DCC: variants seen among roughly 807,000 people sequenced by gnomAD.
DCC encodes DCC netrin 1 receptor.
DCC carries 58 observed loss-of-function variants against 172.5 expected under a neutral mutation model. That is an observed-to-expected ratio of 0.34 (90% CI 0.27 to 0.42). DCC has a LOEUF of 0.42. Ranked by LOEUF, DCC falls within the 10% of genes least tolerant of loss-of-function variation. DCC has a pLI of 1.00. For synonymous variants in DCC, 709 were observed against 644.5 expected, an observed-to-expected ratio of 1.10 and a Z score of -1.52; for missense variants, 1,740 against 1,791.0, an observed-to-expected ratio of 0.97 and a Z score of 0.51.
At chr18:52,612,078 T>C (rs1188090827) in intron 1 of DCC, among the ~76,000 whole-genome samples, 1 of 152,196 alleles carries the variant, frequency 6.6e-6, no homozygotes, top group Non-Finnish European at 1.5e-5. Context: ...ACTCTCCTGT[T>C]GATATGCTTA....
In DCC at chr18:53,141,808, A is replaced by G. The variant is rs1251915712; in HGVS notation, c.1262-15548A>G. The stretch of plus-strand genomic sequence containing the variant: ...AAAAAAATGAAACTTCCCACCCGCA[A>G]TTTTGAATTGTATTGTCCTGGTTAT... On this transcript the variant is annotated intron_variant, in intron 7 of 28. Coordinates refer to ENST00000442544, the MANE Select transcript of DCC (RefSeq NM_005215.4). Among the ~76,000 whole-genome samples the G allele has an allele frequency of 2.6e-5, 4 of 152,008 alleles. No individual in the cohort carries two copies. In the East Asian group the frequency reaches 5.8e-4, roughly 22 times the overall value.
chr18:52,520,013 GAGAAAAC>G (rs1299852880), intron 1 of DCC, among the ~76,000 whole-genome samples: 3 of 152,150 alleles, frequency 2.0e-5, no homozygotes, highest in African/African-American at 7.2e-5. Flanking sequence ...TATTTTCAAA[GAGAAAAC>G]AGAAAGCAGA....
chr18:53,528,215 AT>A (rs1204273196), intron 28 of DCC, among the ~76,000 whole-genome samples: 15 of 151,952 alleles, frequency 9.9e-5, no homozygotes, highest in South Asian at 8.3e-4. Flanking sequence ...TCTTGACTTA[AT>A]TTTTTTTCAA....
intron 24 of DCC, among the ~76,000 whole-genome samples, chr18:53,465,945 T>C (rs569587703): frequency 6.6e-6 from 1 of 151,990 alleles, no homozygotes; most frequent in South Asian, 2.1e-4. Context: ...TTTGTATTTT[T>C]AGTAGAGACA....
intron 27 of DCC, among the ~76,000 whole-genome samples, chr18:53,509,710 T>C (rs985984475): frequency 3.3e-5 from 5 of 152,192 alleles, no homozygotes; most frequent in African/African-American, 1.2e-4. Context: ...TCTCAGATGA[T>C]TTATTATCTA....
intron 1 of DCC, among the ~76,000 whole-genome samples, chr18:52,719,047 C>T (rs1171466357): frequency 6.6e-6 from 1 of 152,110 alleles, no homozygotes; most frequent in African/African-American, 2.4e-5. Flanking sequence ...CTGATGGCCC[C>T]AGCCACCCTT....
intron 1 of DCC, among the ~76,000 whole-genome samples, chr18:52,349,544 G>A (rs912671618): frequency 4.6e-5 from 7 of 152,140 alleles, no homozygotes; most frequent in Non-Finnish European, 8.8e-5. Context: ...GCATCTCCAG[G>A]GATGGTTTGG....
intron 1 of DCC, among the ~76,000 whole-genome samples, chr18:52,744,964 T>A (rs1274818956): frequency 6.6e-6 from 1 of 152,174 alleles, no homozygotes; most frequent in Non-Finnish European, 1.5e-5. Context: ...CATAGCCCCT[T>A]ATGTGAAGAA....
intron 1 of DCC, among the ~76,000 whole-genome samples, chr18:52,541,899 G>A (rs897191): frequency 0.9 from 122,062 of 135,430 alleles, 55,503 homozygotes; most frequent in Middle Eastern, 0.97. Context: ...ATATATATGT[G>A]TATATATATA....
intron 1 of DCC, among the ~76,000 whole-genome samples, chr18:52,563,483 TG>T (rs2033086102): frequency 6.6e-6 from 1 of 152,166 alleles, no homozygotes; most frequent in Non-Finnish European, 1.5e-5. Flanking sequence ...TCTTACATCT[TG>T]TATGAAACAT....
At chr18:53,287,085 C>G (rs1360264228) in intron 12 of DCC, among the ~76,000 whole-genome samples, 2 of 152,046 alleles carry the variant, frequency 1.3e-5, no homozygotes, top group African/African-American at 2.4e-5. Flanking sequence ...CATTAATTTT[C>G]TAACATTTTG....
chr18:53,314,571 T>C (rs944293249), intron 13 of DCC, among the ~76,000 whole-genome samples: 9 of 152,210 alleles, frequency 5.9e-5, no homozygotes, highest in African/African-American at 1.9e-4. Context: ...AGGGACACTT[T>C]GTTAGATATT....
intron 27 of DCC, among the ~76,000 whole-genome samples, chr18:53,512,829 G>A (rs1250006444): frequency 3.3e-5 from 5 of 151,688 alleles, no homozygotes; most frequent in East Asian, 1.9e-4. Flanking sequence ...CCAAATCTAC[G>A]TCTGATTGGT....
intron 1 of DCC, among the ~76,000 whole-genome samples, chr18:52,556,606 C>A (rs1598911049): frequency 6.6e-6 from 1 of 152,058 alleles, no homozygotes; most frequent in Non-Finnish European, 1.5e-5. Flanking sequence ...CAGTAAAAAT[C>A]TCACCCCTGG....
At chr18:52,852,155 T>C (rs772878592) in intron 2 of DCC, among the ~76,000 whole-genome samples, 35 of 152,274 alleles carry the variant, frequency 2.3e-4, no homozygotes, top group Admixed American at 2.0e-4. Context: ...CAGTTTATCT[T>C]ACTAGGCTTA....
At chr18:52,878,716 G>A (rs1206248056) in intron 2 of DCC, among the ~76,000 whole-genome samples, 1 of 151,964 alleles carries the variant, frequency 6.6e-6, no homozygotes, top group Admixed American at 6.6e-5. Flanking sequence ...TACTAGGACG[G>A]GTCACTTGTG....
rs115222684 is a variant in DCC at position 53,071,554 on chromosome 18, A to G, written c.1261+5388A>G. 9.7e-3 allele frequency among the ~76,000 whole-genome samples: 1,476 copies of G among 152,310 alleles called. 22 individuals carry two copies. Among genetic ancestry groups the G allele is most frequent in the African/African-American group, 0.034 (1,397 of 41,554 alleles). ...GAACACATGCACAAATAGAGGATGG[A>G]TTCCTGCACACATGAGACTTTGCAT... On this transcript the variant is annotated intron_variant, in intron 7 of 28. Coordinates refer to ENST00000442544, the MANE Select transcript of DCC (RefSeq NM_005215.4).
At chr18:52,725,110 T>C (rs1435930450) in intron 1 of DCC, among the ~76,000 whole-genome samples, 1 of 152,114 alleles carries the variant, frequency 6.6e-6, no homozygotes, top group Non-Finnish European at 1.5e-5. Flanking sequence ...TCATGATTGA[T>C]TGATCAAGAA....
chr18:53,222,817 T>C (rs1490231801), intron 12 of DCC, among the ~76,000 whole-genome samples: 1 of 152,140 alleles, frequency 6.6e-6, no homozygotes, highest in East Asian at 1.9e-4. Context: ...AATTGTTTTT[T>C]CTACAAAAAC....
Sources: gnomAD v4.1 joint callset for allele counts (sites outside exome capture counted in the v4.1 genomes callset) on GRCh38, gnomAD v4.1.1 for gene constraint, MANE v1.5 for transcripts, NCBI Gene and HGNC (gene_info 2026-07-23, HGNC 2026-07-21) for gene names.